DNMBP: variants seen among roughly 807,000 people sequenced by gnomAD.
DNMBP encodes the protein dynamin binding protein, also known as dynamin-binding protein.
In DNMBP, 87 loss-of-function variants were observed where a neutral mutation model predicts 150.0. That is an observed-to-expected ratio of 0.58 (90% confidence interval 0.49 to 0.69). The LOEUF (loss-of-function observed/expected upper bound fraction) is 0.69. Ranked by LOEUF, DNMBP falls within the 30% of genes least tolerant of loss-of-function variation. The pLI is 0.00. For missense variants in DNMBP, 1,774 were observed against 1,949.0 expected (o/e 0.91, Z 1.69); for synonymous variants, 711 against 750.4 (o/e 0.95, Z 0.86).
At chr10:99,905,354 G>A (rs1396763428) in intron 6 of DNMBP, among the ~76,000 whole-genome samples, 1 of 152,222 alleles carries the variant, frequency 6.6e-6, no homozygotes, top group Non-Finnish European at 1.5e-5. Context: ...AGAAAGACTT[G>A]AGTTTGAATG....
rs1043343352 is a variant in DNMBP at position 100,008,267 on chromosome 10, G to A, written c.-11+1571C>T. On this transcript the variant is annotated intron_variant, in intron 1 of 16. Transcript: ENST00000324109. The stretch of plus-strand genomic sequence containing the variant: ...TAACTGGTGCATATTTAAACAGATC[G>A]TTTATGAAGATTATTATTATCTCAG... 4.6e-5 allele frequency among the ~76,000 whole-genome samples: 7 copies of A among 152,146 alleles called. 1 individual carries two copies. Among genetic ancestry groups the A allele is most frequent in the African/African-American group, 1.7e-4 (7 of 41,434 alleles).
At chr10:99,938,360 A>G (rs1047568819) in intron 4 of DNMBP, among the ~76,000 whole-genome samples, 1 of 152,156 alleles carries the variant, frequency 6.6e-6, no homozygotes, top group Non-Finnish European at 1.5e-5. Context: ...CCTGGCCAAC[A>G]TGGTGTAACC....
intron 4 of DNMBP, chr10:99,929,859 G>C (rs1412361611): frequency 4.3e-6 from 3 of 702,808 alleles, no homozygotes; most frequent in South Asian, 3.0e-5. Context: ...CTTTGTTCTT[G>C]GTATGTCAGT....
intron 4 of DNMBP, among the ~76,000 whole-genome samples, chr10:99,931,402 C>T (rs752585246): frequency 3.3e-5 from 5 of 152,162 alleles, no homozygotes; most frequent in African/African-American, 7.2e-5. Flanking sequence ...ACACTCCAAT[C>T]GCAAGCTGCT....
intron 1 of DNMBP, among the ~76,000 whole-genome samples, chr10:99,977,818 C>T (rs576611161): frequency 2.0e-5 from 3 of 152,150 alleles, no homozygotes; most frequent in South Asian, 4.1e-4. Flanking sequence ...ATATATGAAA[C>T]TATTCATATC....
chr10:99,879,889 G>A lies in DNMBP; in HGVS notation c.4470C>T (p.Val1490=). Residue 1490 remains valine (V), a synonymous_variant, in exon 16 of 17, where the codon GTC becomes GTT. Transcript: ENST00000324109. The stretch of plus-strand genomic sequence containing the variant: ...CCTGGGCTGTTCTTGCACATCCTTT[G>A]ACGAGGTCTTGACTTTGCCCATTTC... ...PGRNGQSQDL[V]KGCARTAQAP... 6.2e-7 allele frequency: 1 copy of A among 1,614,238 alleles called. No individual in the cohort carries two copies. Among genetic ancestry groups the A allele is most frequent in the Non-Finnish European group, 8.5e-7 (1 of 1,180,054 alleles).
chr10:99,947,066 C>G (rs1178686351), intron 4 of DNMBP, among the ~76,000 whole-genome samples: 1 of 152,114 alleles, frequency 6.6e-6, no homozygotes, highest in Non-Finnish European at 1.5e-5. Flanking sequence ...AAAAAAATAA[C>G]AGATATGTTG....
At chr10:100,002,643 GAA>G (rs1373358204) in intron 1 of DNMBP, among the ~76,000 whole-genome samples, 4 of 152,084 alleles carry the variant, frequency 2.6e-5, no homozygotes, top group African/African-American at 9.7e-5. Flanking sequence ...ACCTAATGGT[GAA>G]ATAAACTTGT....
intron 11 of DNMBP, 83 bp from the exon 12 acceptor site, chr10:99,889,036 C>A: frequency 1.3e-6 from 2 of 1,490,840 alleles, no homozygotes; most frequent in South Asian, 2.7e-5. Context: ...GAATAGCAGT[C>A]TTGGAAAAAT....
intron 4 of DNMBP, among the ~76,000 whole-genome samples, chr10:99,951,649 T>TG (rs1455640190): frequency 1.3e-5 from 2 of 152,210 alleles, no homozygotes; most frequent in Non-Finnish European, 2.9e-5. Context: ...ATTTCAGACT[T>TG]GCGTGGGGCC....
intron 12 of DNMBP, among the ~76,000 whole-genome samples, chr10:99,886,982 T>C (rs1182633999): frequency 6.6e-6 from 1 of 152,220 alleles, no homozygotes. Context: ...ATTTATTATG[T>C]GTACATGTCT....
At chr10:99,929,276 T>C (rs1398956713) in intron 4 of DNMBP, among the ~76,000 whole-genome samples, 1 of 149,534 alleles carries the variant, frequency 6.7e-6, no homozygotes, top group Non-Finnish European at 1.5e-5. Flanking sequence ...ATAATAAACT[T>C]GCTGCCTCGA....
In DNMBP at chr10:99,885,845, C is replaced by A; in HGVS notation, c.3640G>T (p.Glu1214Ter). 6.2e-7 allele frequency: 1 copy of A among 1,612,502 alleles called. No individual in the cohort carries two copies. ...TGGAAGATGGCAATAAGGTTTCCCT[C>A]TCTGCCAGCCACTTTGAGTAACTGG... ...LLSLLKVAGR[E>*]GNLIAIFHEE... The change falls in exon 14 of 17, where the codon GAG becomes TAG. Residue 1214 changes from glutamate (E) to a stop codon, truncating the protein, a stop_gained. Coordinates refer to ENST00000324109, the MANE Select transcript of DNMBP (RefSeq NM_015221.4). LOFTEE classifies it high-confidence loss of function.
intron 4 of DNMBP, among the ~76,000 whole-genome samples, chr10:99,951,778 G>A (rs932008818): frequency 2.0e-5 from 3 of 152,186 alleles, no homozygotes; most frequent in African/African-American, 7.2e-5. Context: ...AGGCTCATAG[G>A]CAGAAGGGAC....
At chr10:99,896,483 G>T (rs1193281899) in intron 9 of DNMBP, 86 bp from the exon 10 acceptor site, 2 of 1,305,280 alleles carry the variant, frequency 1.5e-6, no homozygotes, top group Admixed American at 3.4e-5. Flanking sequence ...CCAAACGGGA[G>T]CTAGTCCTTG....
Position 99,929,768 on chromosome 10 carries a change from C to T in DNMBP, c.2261-20622G>A, listed in dbSNP as rs556249648. On this transcript the variant is annotated intron_variant, in intron 4 of 16. Coordinates refer to ENST00000324109, the MANE Select transcript of DNMBP (RefSeq NM_015221.4). ...TCTCTAATGACGAGCTCTGAGGAAT[C>T]CCCAAATGATGTCCTCCTTGTTCTC... 6 of 702,938 alleles carry T rather than the reference C, an allele frequency of 8.5e-6. No individual in the cohort carries two copies. The Admixed American group carries it at 1.2e-4, about 14-fold the overall frequency. The allele number at this position is 702,938 out of a possible 1,614,324, so 43.5% of individuals were successfully genotyped here.
chr10:99,913,887 G>C (rs1202697539), intron 4 of DNMBP: 4 of 1,273,844 alleles, frequency 3.1e-6, no homozygotes, highest in Non-Finnish European at 4.0e-6. Context: ...AGGTGCCCTT[G>C]AACAGGGACG....
At chr10:99,888,071 C>T (rs1431577920) in intron 12 of DNMBP, among the ~76,000 whole-genome samples, 1 of 152,178 alleles carries the variant, frequency 6.6e-6, no homozygotes, top group Non-Finnish European at 1.5e-5. Flanking sequence ...GATCCGCCCA[C>T]CTCGGCCTCC....
intron 11 of DNMBP, among the ~76,000 whole-genome samples, chr10:99,891,534 T>C (rs1478359089): frequency 6.6e-6 from 1 of 151,726 alleles, no homozygotes; most frequent in Non-Finnish European, 1.5e-5. Context: ...AACCTACACC[T>C]CCCAGCCGCC....
Sources: allele counts gnomAD v4.1 joint callset (sites outside exome capture counted in the v4.1 genomes callset), GRCh38; gene constraint gnomAD v4.1.1; transcripts MANE v1.5; gene names NCBI Gene and HGNC (gene_info 2026-07-23, HGNC 2026-07-21).